The following GRK4 variants were observed in gnomAD, a reference collection of about 807,000 sequenced individuals.
GRK4 encodes the protein G protein-coupled receptor kinase 2-like.
Under a neutral mutation model 77.9 loss-of-function variants are expected in GRK4, and 73 were observed. That is an observed-to-expected ratio of 0.94 (90% CI 0.78 to 1.14). The LOEUF (loss-of-function observed/expected upper bound fraction) is 1.14, where lower values mean the gene tolerates loss of function less well. Among genes scored for constraint, GRK4 ranks in the 50% most tolerant of loss-of-function variants. GRK4 has a pLI of 0.00. For missense variants in GRK4, 729 were observed against 700.2 expected (o/e 1.04, Z -0.46); for synonymous variants, 257 against 254.4 (o/e 1.01, Z -0.10).
At chr4:3,028,088 C>A in intron 11 of GRK4, 87 bp downstream of exon 11, 1 of 1,157,480 alleles carries the variant, frequency 8.6e-7, no homozygotes, top group South Asian at 1.2e-5. Flanking sequence ...CTGAATGGAC[C>A]GGGGCCTCGG....
chr4:3,023,913 CAT>C lies in GRK4; in HGVS notation c.970+1464_970+1465del, dbSNP rs564202201. 1.9e-4 allele frequency among the ~76,000 whole-genome samples: 29 copies of C among 152,244 alleles called. No homozygotes were observed. In the South Asian group the frequency reaches 6.0e-3, roughly 32 times the overall value. On this transcript the variant is annotated intron_variant, in intron 10 of 15. Transcript: ENST00000398052. ...TGTGTGTAGTGTGCTTGCTCATAAA[CAT>C]AAAGAAACATAAAGGGACAATCATG...
chr4:3,036,665 C>T (rs1275190768), intron 13 of GRK4, among the ~76,000 whole-genome samples: 2 of 152,220 alleles, frequency 1.3e-5, no homozygotes, highest in Non-Finnish European at 2.9e-5. Context: ...CTGAGGACAG[C>T]AGTGCCGGGA....
intron 3 of GRK4, 120 bp from the exon 4 acceptor site, chr4:2,992,095 C>G: frequency 1.7e-6 from 1 of 594,178 alleles, no homozygotes; most frequent in Non-Finnish European, 3.0e-6. Flanking sequence ...TCAGGCTGGC[C>G]TCGAACTCTT....
intron 1 of GRK4, among the ~76,000 whole-genome samples, chr4:2,979,484 C>T (rs956178620): frequency 8.0e-5 from 12 of 150,852 alleles, no homozygotes; most frequent in Middle Eastern, 3.6e-3. Context: ...GAGGCCGAGG[C>T]GGGCGGATCA....
At chr4:3,040,512 T>C (rs1742108176) in intron 15 of GRK4, 60 bp from the exon 16 acceptor site, 2 of 1,458,568 alleles carry the variant, frequency 1.4e-6, no homozygotes, top group South Asian at 1.2e-5. Flanking sequence ...TTGTCTGCAC[T>C]TAAGGAAAGT....
At chr4:2,991,832 A>G (rs1370193427) in intron 3 of GRK4, among the ~76,000 whole-genome samples, 2 of 152,172 alleles carry the variant, frequency 1.3e-5, no homozygotes, top group African/African-American at 4.8e-5. Context: ...TTTAATGGAT[A>G]CAATGTAATA....
chr4:2,968,094 T>A (rs1718337600), intron 1 of GRK4, among the ~76,000 whole-genome samples: 1 of 150,166 alleles, frequency 6.7e-6, no homozygotes, highest in Admixed American at 6.6e-5. Flanking sequence ...CCCGGCCTGT[T>A]TTGTTTTTTT....
rs751985882 is a variant in GRK4, at chr4:3,004,335, G to T, written c.443+1G>T. On this transcript the variant is annotated splice_donor_variant, in intron 5 of 15. Transcript: ENST00000398052. LOFTEE classifies it high-confidence loss of function. ...AAAAAGCCTTTGAGGAATGTACTAGGTAAGTGGTTCATGCTGAGCCCTGCA... is the reference window on the plus strand; with the variant it reads ...AAAAAGCCTTTGAGGAATGTACTAGTTAAGTGGTTCATGCTGAGCCCTGCA... The T allele has an allele frequency of 6.3e-7, 1 of 1,575,926 alleles. No individual in the cohort carries two copies. Among genetic ancestry groups the T allele is most frequent in the Middle Eastern group, 1.7e-4 (1 of 5,992 alleles).
chr4:2,970,557 C>T (rs1719195651), intron 1 of GRK4, among the ~76,000 whole-genome samples: 1 of 151,340 alleles, frequency 6.6e-6, no homozygotes, highest in African/African-American at 2.4e-5. Flanking sequence ...ACTCGGGAGG[C>T]TGAGGCGGGA....
rs138580900 is a variant in GRK4, at chr4:3,009,646, A to G, written c.537-2A>G. On this transcript the variant is annotated splice_acceptor_variant, in intron 6 of 15. Coordinates refer to ENST00000398052, the MANE Select transcript of GRK4 (RefSeq NM_182982.3). LOFTEE classifies it high-confidence loss of function. The stretch of plus-strand genomic sequence containing the variant: ...CTGAAACTTGTTTTTCTCATTGATT[A>G]GGCAACCCGTAACAAAGAACACATT... The G allele has an allele frequency of 1.9e-6, 3 of 1,612,636 alleles. No homozygotes were observed. The highest frequency in any genetic ancestry group is 2.5e-6 in the Non-Finnish European group (3 of 1,178,840).
chr4:2,964,100 G>C lies in GRK4; in HGVS notation c.30G>C (p.Ser10=). The part of the protein sequence containing the change: MELENIVAN[S]LLLKARQGGY... ...AGCTCGAGAACATCGTGGCCAACTC[G>C]CTGCTGCTGAAAGCGCGTCAAGGTG... The change falls in exon 1 of 16, where the codon TCG becomes TCC. Residue 10 remains serine (S), a synonymous_variant. Coordinates refer to ENST00000398052, the MANE Select transcript of GRK4 (RefSeq NM_182982.3). 6.2e-7 allele frequency: 1 copy of C among 1,607,666 alleles called. No homozygotes were observed.
At chr4:2,965,582 G>A in intron 1 of GRK4, 3 of 648,214 alleles carry the variant, frequency 4.6e-6, no homozygotes, top group Non-Finnish European at 8.4e-6. Context: ...TGGCGGCCAC[G>A]CTTGTAGTCC....
At chr4:2,992,344 T>C in intron 4 of GRK4, 52 bp downstream of exon 4, 2 of 1,184,826 alleles carry the variant, frequency 1.7e-6, no homozygotes, top group Non-Finnish European at 2.5e-6. Context: ...TTAGAGTGCA[T>C]AGCCATTTTT....
chr4:2,988,860 T>C (rs188171696), intron 3 of GRK4, 21 bp downstream of exon 3: 5 of 1,371,946 alleles, frequency 3.6e-6, no homozygotes, highest in Admixed American at 1.7e-5. Context: ...TATCTCCATA[T>C]TGAGCAACCA....
intron 1 of GRK4, among the ~76,000 whole-genome samples, chr4:2,977,235 T>C (rs1721483915): frequency 6.6e-6 from 1 of 152,182 alleles, no homozygotes; most frequent in Non-Finnish European, 1.5e-5. Context: ...CAAAATACCT[T>C]CCTCGGTATG....
rs574676721 is a variant in GRK4 at position 3,023,967 on chromosome 4, C to G, written c.970+1516C>G. Among the ~76,000 whole-genome samples the G allele has an allele frequency of 7.2e-5, 11 of 152,298 alleles. No individual in the cohort carries two copies. The South Asian group carries it at 2.3e-3, about 32-fold the overall frequency. The stretch of plus-strand genomic sequence containing the variant: ...GAAATGGTTAGAAGTGATAACAAGG[C>G]AGGGGAGCACACTGATAACCTTTTT... On this transcript the variant is annotated intron_variant, in intron 10 of 15. Transcript: ENST00000398052.
chr4:2,990,109 T>C (rs1053673218), intron 3 of GRK4, among the ~76,000 whole-genome samples: 3 of 152,132 alleles, frequency 2.0e-5, no homozygotes, highest in Non-Finnish European at 4.4e-5. Context: ...AAAATGTATA[T>C]ATATTTATTT....
intron 12 of GRK4, among the ~76,000 whole-genome samples, chr4:3,029,961 C>T (rs2471329): frequency 0.044 from 6,742 of 152,262 alleles, 240 homozygotes; most frequent in African/African-American, 0.095. Flanking sequence ...TCAAATAATG[C>T]TACTGAAAGG....
At chr4:3,008,462 A>G (rs564254484) in intron 6 of GRK4, among the ~76,000 whole-genome samples, 2 of 152,336 alleles carry the variant, frequency 1.3e-5, no homozygotes, top group South Asian at 2.1e-4. Flanking sequence ...AAATGTGTGT[A>G]CAACGCTTAT....
Sources: gnomAD v4.1 joint callset for allele counts (sites outside exome capture counted in the v4.1 genomes callset) on GRCh38, gnomAD v4.1.1 for gene constraint, MANE v1.5 for transcripts, NCBI Gene and HGNC (gene_info 2026-07-23, HGNC 2026-07-21) for gene names.